The following SREK1IP1 variants were observed in gnomAD, a reference collection of about 807,000 sequenced individuals.
SREK1IP1 encodes the protein SREK1 interacting protein 1.
A neutral mutation model predicts 22.8 loss-of-function variants in SREK1IP1; 12 were observed. The ratio of observed to expected loss-of-function variants is 0.53; its 90% confidence interval spans 0.34 to 0.85. The LOEUF is 0.85. SREK1IP1 is among the 40% of genes least tolerant of loss of function. The pLI is 0.02. For synonymous variants in SREK1IP1, 53 were observed against 52.7 expected (o/e 1.01, Z -0.02); for missense variants, 147 against 171.8 (o/e 0.86, Z 0.81).
rs1742125333 is a variant in SREK1IP1 at position 64,719,783 on chromosome 5, C to T, written c.*4601G>A. ...GTGCTATAGAAGAGGCACCCCAATT[C>T]TCTGCCACTCTACCTATTTTTAGAG... On this transcript the variant is annotated 3_prime_UTR_variant, in exon 5 of 5. Transcript: ENST00000513458. 1 of 152,238 alleles carries T rather than the reference C, an allele frequency of 6.6e-6. No homozygotes were observed. Among genetic ancestry groups the T allele is most frequent in the Admixed American group, 6.5e-5 (1 of 15,280 alleles). 9.4% of individuals were successfully genotyped at this position (152,238 alleles called of 1,614,324 possible).
Position 64,754,298 on chromosome 5 carries a change from T to C in SREK1IP1, c.61+17A>G, listed in dbSNP as rs546878684. 2.5e-6 allele frequency: 4 copies of C among 1,613,024 alleles called. No homozygotes were observed. The South Asian group carries it at 3.3e-5, about 13-fold the overall frequency. On this transcript the variant is annotated intron_variant, in intron 2 of 4. Coordinates refer to ENST00000513458, the MANE Select transcript of SREK1IP1 (RefSeq NM_173829.4). ...AGTATGAATAATGCAAAGCATGTCA[T>C]CTTTTAGAATACTTACGGTAGCCAC... is the stretch of plus-strand genomic sequence containing the variant.
rs959674976 is a variant in SREK1IP1, at chr5:64,726,562, C to A, written c.278+1545G>T. On this transcript the variant is annotated intron_variant, in intron 4 of 4. Transcript: ENST00000513458. ...CTGGACTCCAGCCTGGGCAACAGAG[C>A]GAGACTCTGTCTCAAAAAAAAAAAA... Among the ~76,000 whole-genome samples, 4 of 139,368 alleles carry A rather than the reference C, an allele frequency of 2.9e-5. No homozygotes were observed. In the Admixed American group the frequency reaches 3.0e-4, roughly 11 times the overall value. 91.4% of individuals were successfully genotyped at this position (139,368 alleles called of 152,430 possible).
At chr5:64,747,925 T>C (rs374543631) in intron 2 of SREK1IP1, among the ~76,000 whole-genome samples, 10 of 149,872 alleles carry the variant, frequency 6.7e-5, no homozygotes, top group Admixed American at 2.7e-4. Context: ...AGAGCGAGAC[T>C]CCACCTCAAA....
intron 3 of SREK1IP1, among the ~76,000 whole-genome samples, chr5:64,728,911 A>T (rs1012591326): frequency 6.6e-5 from 10 of 152,188 alleles, no homozygotes; most frequent in Non-Finnish European, 1.5e-4. Flanking sequence ...AAGAAAAAGC[A>T]GGCTGGGCGC....
intron 1 of SREK1IP1, 84 bp downstream of exon 1, chr5:64,768,421 G>A (rs1743103148): frequency 1.9e-6 from 3 of 1,583,650 alleles, no homozygotes; most frequent in Non-Finnish European, 2.6e-6. Context: ...CATGGGCGCT[G>A]CTCCGTACAC....
intron 2 of SREK1IP1, among the ~76,000 whole-genome samples, chr5:64,743,718 G>C (rs775153650): frequency 2.0e-5 from 3 of 152,126 alleles, no homozygotes; most frequent in Non-Finnish European, 4.4e-5. Flanking sequence ...TATATTTTGA[G>C]ACATTAGTAA....
chr5:64,757,861 CTTT>C (rs59456636), intron 1 of SREK1IP1, among the ~76,000 whole-genome samples: 17 of 72,960 alleles, frequency 2.3e-4, no homozygotes, highest in African/African-American at 7.4e-4. Flanking sequence ...AGGTTCCTAT[CTTT>C]TTTTTTTTTT....
At chr5:64,766,184 T>C (rs1743029684) in intron 1 of SREK1IP1, among the ~76,000 whole-genome samples, 1 of 152,234 alleles carries the variant, frequency 6.6e-6, no homozygotes, top group African/African-American at 2.4e-5. Flanking sequence ...ACTTCTTTCC[T>C]AAGCTACAAA....
At chr5:64,740,603 T>C (rs1343035412) in intron 3 of SREK1IP1, among the ~76,000 whole-genome samples, 1 of 152,160 alleles carries the variant, frequency 6.6e-6, no homozygotes, top group Non-Finnish European at 1.5e-5. Flanking sequence ...ATACTTGAAA[T>C]TATTAGTGAA....
chr5:64,755,269 C>T (rs1027330605), intron 1 of SREK1IP1, among the ~76,000 whole-genome samples: 1 of 151,452 alleles, frequency 6.6e-6, no homozygotes, highest in Non-Finnish European at 1.5e-5. Flanking sequence ...CTCACATCTT[C>T]ATTGCAGCAT....
chr5:64,738,312 G>A (rs576735920), intron 3 of SREK1IP1, among the ~76,000 whole-genome samples: 21 of 152,128 alleles, frequency 1.4e-4, no homozygotes, highest in Non-Finnish European at 2.5e-4. Flanking sequence ...AAGAAAGGAA[G>A]GCTAAAAATC....
At chr5:64,743,084 G>A (rs1352907035) in intron 2 of SREK1IP1, among the ~76,000 whole-genome samples, 1 of 152,110 alleles carries the variant, frequency 6.6e-6, no homozygotes, top group Non-Finnish European at 1.5e-5. Context: ...TTCTTTTGTG[G>A]CCTAGGATGT....
intron 3 of SREK1IP1, among the ~76,000 whole-genome samples, chr5:64,739,889 G>A (rs777037619): frequency 4.0e-5 from 6 of 151,802 alleles, no homozygotes; most frequent in Non-Finnish European, 5.9e-5. Context: ...GACATAATAT[G>A]GAAAGCTTGA....
chr5:64,749,437 CTT>C (rs397729423), intron 2 of SREK1IP1, among the ~76,000 whole-genome samples: 1 of 145,966 alleles, frequency 6.9e-6, no homozygotes, highest in South Asian at 2.2e-4. Flanking sequence ...TTCTTGAAGT[CTT>C]TTTTTTTTTT....
At chr5:64,743,025 T>C (rs938512598) in intron 2 of SREK1IP1, among the ~76,000 whole-genome samples, 6 of 152,220 alleles carry the variant, frequency 3.9e-5, no homozygotes, top group African/African-American at 1.4e-4. Context: ...TACACTGTTA[T>C]CAGAGAATGG....
intron 2 of SREK1IP1, among the ~76,000 whole-genome samples, chr5:64,753,999 G>C (rs546537049): frequency 5.9e-5 from 9 of 152,220 alleles, no homozygotes; most frequent in African/African-American, 1.7e-4. Flanking sequence ...ATGTGGAAAG[G>C]GGGAAAAGAA....
chr5:64,766,970 G>A (rs1371053286), intron 1 of SREK1IP1, among the ~76,000 whole-genome samples: 1 of 152,078 alleles, frequency 6.6e-6, no homozygotes, highest in East Asian at 1.9e-4. Context: ...ATTTGTATTT[G>A]AGTTCTATCC....
At position 64,739,883 on chromosome 5, in the gene SREK1IP1, T is replaced by C. The variant is rs1742524593; in HGVS notation, c.205+1174A>G. On this transcript the variant is annotated intron_variant, in intron 3 of 4. Transcript: ENST00000513458. ...CTTCTTCACTTACCTTAACTGGACATAATATGGAAAGCTTGATATTAAAAA... is the reference window on the plus strand; with the variant it reads ...CTTCTTCACTTACCTTAACTGGACACAATATGGAAAGCTTGATATTAAAAA... 1.3e-5 allele frequency among the ~76,000 whole-genome samples: 2 copies of C among 152,104 alleles called. 1 individual carries two copies. The highest frequency in any genetic ancestry group is 4.1e-4 in the South Asian group (2 of 4,830).
At chr5:64,737,507 C>CAAAAAAAA (rs34983078) in intron 3 of SREK1IP1, among the ~76,000 whole-genome samples, 2 of 95,074 alleles carry the variant, frequency 2.1e-5, no homozygotes, top group African/African-American at 3.4e-5. Context: ...TTCATACTGT[C>CAAAAAAAA]AAAAAAAAAA....
Sources: allele counts gnomAD v4.1 joint callset (sites outside exome capture counted in the v4.1 genomes callset), GRCh38; gene constraint gnomAD v4.1.1; transcripts MANE v1.5; gene names NCBI Gene and HGNC (gene_info 2026-07-23, HGNC 2026-07-21).